The following CNTN1 variants were observed in gnomAD, a reference collection of about 807,000 sequenced individuals.
CNTN1 encodes contactin-1.
Under a neutral mutation model 126.4 loss-of-function variants are expected in CNTN1, and 38 were observed. The observed-to-expected ratio is 0.30, with a 90% CI of 0.23 to 0.39. The LOEUF is 0.39. Among genes scored for constraint, CNTN1 ranks in the 10% least tolerant of loss-of-function variants. CNTN1 has a pLI of 1.00. For missense variants in CNTN1, 1,009 were observed against 1,248.4 expected (o/e 0.81, Z 2.89); for synonymous variants, 413 against 422.6 (o/e 0.98, Z 0.28).
chr12:40,774,392 T>C (rs1939493232), intron 1 of CNTN1, among the ~76,000 whole-genome samples: 1 of 151,680 alleles, frequency 6.6e-6, no homozygotes, highest in Non-Finnish European at 1.5e-5. Flanking sequence ...TGGATTCATC[T>C]CTGAATGTTT....
chr12:40,788,370 T>A (rs1940103988), intron 1 of CNTN1, among the ~76,000 whole-genome samples: 1 of 152,090 alleles, frequency 6.6e-6, no homozygotes, highest in Admixed American at 6.6e-5. Context: ...TCAGCCAGTG[T>A]TCCTACATGT....
At chr12:40,892,542 A>T (rs951006740) in intron 1 of CNTN1, among the ~76,000 whole-genome samples, 6 of 152,130 alleles carry the variant, frequency 3.9e-5, no homozygotes, top group Admixed American at 3.3e-4. Flanking sequence ...CAACAAGAAG[A>T]GATGAAAAAT....
chr12:40,961,987 T>C (rs959704536), intron 15 of CNTN1, among the ~76,000 whole-genome samples: 1 of 152,112 alleles, frequency 6.6e-6, no homozygotes, highest in Non-Finnish European at 1.5e-5. Flanking sequence ...ATTGGTAATC[T>C]GAACTGCAGC....
At chr12:41,064,863 T>A (rs954126716) in intron 23 of CNTN1, among the ~76,000 whole-genome samples, 4 of 152,136 alleles carry the variant, frequency 2.6e-5, no homozygotes, top group African/African-American at 7.2e-5. Flanking sequence ...AATTTTTTTT[T>A]AATTTTTTCA....
At chr12:41,043,805 A>AAT (rs1949478237) in intron 23 of CNTN1, among the ~76,000 whole-genome samples, 1 of 151,326 alleles carries the variant, frequency 6.6e-6, no homozygotes, top group Non-Finnish European at 1.5e-5. Flanking sequence ...TACACCATGG[A>AAT]ATACTATGCA....
At chr12:41,015,034 C>G (rs1200101726) in intron 18 of CNTN1, among the ~76,000 whole-genome samples, 1 of 152,024 alleles carries the variant, frequency 6.6e-6, no homozygotes, top group Non-Finnish European at 1.5e-5. Flanking sequence ...AATTTAGGCT[C>G]CAAAGGATTT....
intron 1 of CNTN1, among the ~76,000 whole-genome samples, chr12:40,816,591 C>T (rs990294174): frequency 6.6e-6 from 1 of 151,816 alleles, no homozygotes; most frequent in Non-Finnish European, 1.5e-5. Context: ...TTCAAAAAAA[C>T]ATCCCCTGAA....
chr12:40,924,166 T>A (rs1326295875), intron 5 of CNTN1, among the ~76,000 whole-genome samples: 1 of 152,046 alleles, frequency 6.6e-6, no homozygotes. Flanking sequence ...TTCAAATGAG[T>A]CCATTCCTCT....
chr12:40,729,493 A>G (rs938414517), intron 1 of CNTN1: 7 of 203,452 alleles, frequency 3.4e-5, no homozygotes, highest in Non-Finnish European at 5.5e-5. Context: ...ATGCACGGAA[A>G]TTTGTTCAGA....
intron 1 of CNTN1, among the ~76,000 whole-genome samples, chr12:40,760,705 C>G (rs1252652194): frequency 6.6e-6 from 1 of 151,972 alleles, no homozygotes; most frequent in Admixed American, 6.6e-5. Context: ...TGAAAAAATA[C>G]AAAACAAATT....
intron 17 of CNTN1, among the ~76,000 whole-genome samples, chr12:41,013,034 C>T (rs1009302566): frequency 2.0e-5 from 3 of 151,968 alleles, no homozygotes; most frequent in Non-Finnish European, 4.4e-5. Flanking sequence ...GGAGAGGGGT[C>T]CCCGAGCAGA....
chr12:40,888,948 G>A (rs1429781395), intron 1 of CNTN1, among the ~76,000 whole-genome samples: 2 of 152,220 alleles, frequency 1.3e-5, no homozygotes, highest in South Asian at 2.1e-4. Flanking sequence ...CCTGCCACTC[G>A]GTTCACTCCA....
In CNTN1 at chr12:41,016,148, T is replaced by C. The variant is rs546877454; in HGVS notation, c.2185-534T>C. Among the ~76,000 whole-genome samples the C allele has an allele frequency of 2.6e-5, 4 of 152,318 alleles. No homozygotes were observed. The East Asian group carries it at 7.7e-4, about 29-fold the overall frequency. On this transcript the variant is annotated intron_variant, in intron 18 of 23. Coordinates refer to ENST00000551295, the MANE Select transcript of CNTN1 (RefSeq NM_001843.4). ...ATATTACTTGAAGCCCTGTTCTAGGTGCTAGGGATAAAGAGGAAAACAAAA... is the reference window on the plus strand; with the variant it reads ...ATATTACTTGAAGCCCTGTTCTAGGCGCTAGGGATAAAGAGGAAAACAAAA...
At chr12:41,062,008 T>A (rs992619031) in intron 23 of CNTN1, 6 of 196,842 alleles carry the variant, frequency 3.0e-5, no homozygotes, top group African/African-American at 1.4e-4. Context: ...ACAGACAATA[T>A]CATAAAATAG....
intron 17 of CNTN1, among the ~76,000 whole-genome samples, chr12:41,008,793 A>T (rs1327946175): frequency 1.5e-4 from 23 of 152,222 alleles, no homozygotes; most frequent in Admixed American, 1.5e-3. Flanking sequence ...TCTTTAGGAC[A>T]AGTATTTCTC....
chr12:41,020,405 G>A lies in CNTN1; in HGVS notation c.2488G>A (p.Glu830Lys), dbSNP rs1340602109. The change falls in exon 20 of 24, where the codon GAA becomes AAA. Residue 830 changes from glutamate to lysine, a missense_variant. Glu to Lys is a moderately conservative substitution (Grantham distance 56). Transcript: ENST00000551295. ...ATCTTCTGAGATATCTGTTCATTGG[G>A]AACATGTTTTAGAAAAAATAGTGGA... ...LSSSEISVHW[E>K]HVLEKIVESY... The A allele has an allele frequency of 1.2e-6, 2 of 1,612,140 alleles. No individual in the cohort carries two copies. The highest frequency in any genetic ancestry group is 2.2e-5 in the South Asian group (2 of 90,730).
chr12:40,811,816 CTT>C (rs1469654193), intron 1 of CNTN1, among the ~76,000 whole-genome samples: 1 of 82,284 alleles, frequency 1.2e-5, no homozygotes, highest in African/African-American at 3.3e-5. Flanking sequence ...GGTTTGTTAA[CTT>C]TATCTTTTCA....
chr12:40,907,160 T>C (rs958257788), intron 1 of CNTN1, among the ~76,000 whole-genome samples: 2 of 152,156 alleles, frequency 1.3e-5, no homozygotes, highest in East Asian at 1.9e-4. Context: ...CAGTAAGCAG[T>C]GGTTGAGGCA....
At chr12:40,926,271 T>C (rs1945692062) in intron 6 of CNTN1, among the ~76,000 whole-genome samples, 1 of 151,606 alleles carries the variant, frequency 6.6e-6, no homozygotes, top group Non-Finnish European at 1.5e-5. Context: ...ATGACTGAAC[T>C]CAGGAGGAGC....
Sources: allele counts gnomAD v4.1 joint callset (sites outside exome capture counted in the v4.1 genomes callset), GRCh38; gene constraint gnomAD v4.1.1; transcripts MANE v1.5; gene names NCBI Gene and HGNC (gene_info 2026-07-23, HGNC 2026-07-21).